The following SRFBP1 variants were observed in gnomAD, a reference collection of about 807,000 sequenced individuals.
SRFBP1 encodes serum response factor binding protein 1.
SRFBP1 carries 47 observed loss-of-function variants against 45.5 expected under a neutral mutation model. That is an observed-to-expected ratio of 1.03 (90% CI 0.82 to 1.32). The LOEUF is 1.32. Among genes scored for constraint, SRFBP1 ranks in the 40% most tolerant of loss-of-function variants. SRFBP1 has a pLI of 0.00. For synonymous variants in SRFBP1, 203 were observed against 166.3 expected (o/e 1.22, Z -1.70); for missense variants, 621 against 484.6 (o/e 1.28, Z -2.64).
chr5:121,976,127 A>G lies in SRFBP1; in HGVS notation c.198+740A>G, dbSNP rs898807717. Among the ~76,000 whole-genome samples the G allele has an allele frequency of 3.3e-5, 5 of 151,110 alleles. No individual in the cohort carries two copies. In the East Asian group the frequency reaches 9.7e-4, roughly 29 times the overall value. ...TTGAATTAAGTAAAAGAGAAATAAA[A>G]CTCTCTAACTATTTTAATTGAGTTA... On this transcript the variant is annotated intron_variant, in intron 3 of 7. Coordinates refer to ENST00000339397, the MANE Select transcript of SRFBP1 (RefSeq NM_152546.3).
At position 122,020,078 on chromosome 5, in the gene SRFBP1, T is replaced by C. The variant is rs1482774576; in HGVS notation, c.353-10T>C. On this transcript the variant is annotated splice_polypyrimidine_tract_variant and intron_variant, in intron 5 of 7. Coordinates refer to ENST00000339397, the MANE Select transcript of SRFBP1 (RefSeq NM_152546.3). ...GTGCTAAAATGAGTGATGCACTGTT[T>C]CTCTTGCAGCTGCTGTACAAGCCTT... 1 of 1,523,696 alleles carries C rather than the reference T, an allele frequency of 6.6e-7. No individual in the cohort carries two copies. The highest frequency in any genetic ancestry group is 2.2e-5 in the Admixed American group (1 of 45,220). The allele number at this position is 1,523,696 out of a possible 1,614,324, so 94.4% of individuals were successfully genotyped here.
chr5:122,072,090 A>G (rs545235347), intron 2 of SRFBP1, among the ~76,000 whole-genome samples: 35 of 152,312 alleles, frequency 2.3e-4, no homozygotes, highest in African/African-American at 7.5e-4. Context: ...AGTGCTAGTT[A>G]TTACTTCTAC....
intron 2 of SRFBP1, among the ~76,000 whole-genome samples, chr5:122,041,869 C>A (rs908872598): frequency 6.6e-6 from 1 of 152,246 alleles, no homozygotes; most frequent in South Asian, 2.1e-4. Flanking sequence ...TATTAGACCA[C>A]CTTGTTTATT....
At chr5:122,071,115 G>A (rs1754438499) in intron 2 of SRFBP1, among the ~76,000 whole-genome samples, 1 of 152,030 alleles carries the variant, frequency 6.6e-6, no homozygotes. Flanking sequence ...AGTTCCCTAA[G>A]GGTAGAGTTT....
Position 121,996,102 on chromosome 5 carries a change from C to G in SRFBP1, c.270+1432C>G, listed in dbSNP as rs1198223339. Among the ~76,000 whole-genome samples the G allele has an allele frequency of 7.4e-5, 11 of 149,160 alleles. No individual in the cohort carries two copies. In the East Asian group the frequency reaches 2.0e-3, roughly 27 times the overall value. The stretch of plus-strand genomic sequence containing the variant: ...CAGAGGTACAAGGAGGAACTGGTAC[C>G]ATTCCTTCTGAAACTATTCCAATCA... On this transcript the variant is annotated intron_variant, in intron 4 of 7. Coordinates refer to ENST00000339397, the MANE Select transcript of SRFBP1 (RefSeq NM_152546.3).
intron 3 of SRFBP1, among the ~76,000 whole-genome samples, chr5:121,993,693 T>C (rs924467774): frequency 6.6e-6 from 1 of 152,112 alleles, no homozygotes; most frequent in Non-Finnish European, 1.5e-5. Flanking sequence ...TATTTACCAA[T>C]AGTTGTTTTA....
Position 122,020,201 on chromosome 5 carries a change from A to C in SRFBP1, c.466A>C (p.Ser156Arg), listed in dbSNP as rs539137475. ...TACTTTGTATTCAAATGATAATGGA[A>C]GTAATTTACAGCGTGAAGCAACTGT... ...ENTLYSNDNG[S>R]NLQREATVIS... The change falls in exon 6 of 8, where the codon AGT becomes CGT. Residue 156 changes from serine (S) to arginine (R), a missense_variant. Transcript: ENST00000339397. 1.1e-5 allele frequency: 17 copies of C among 1,612,724 alleles called. No homozygotes were observed. In the South Asian group the frequency reaches 1.4e-4, roughly 14 times the overall value.
chr5:122,070,149 T>C, intron 2 of SRFBP1: 1 of 1,611,318 alleles, frequency 6.2e-7, no homozygotes, highest in Non-Finnish European at 8.5e-7. Flanking sequence ...AGGAACCAGG[T>C]AGCTGGGGTT....
chr5:122,001,455 C>T (rs1752866482), intron 4 of SRFBP1, among the ~76,000 whole-genome samples: 3 of 146,596 alleles, frequency 2.0e-5, no homozygotes, highest in South Asian at 2.2e-4. Flanking sequence ...ACAAATTTTA[C>T]TCCACACTAA....
chr5:122,004,492 T>C (rs1411034413), intron 4 of SRFBP1, among the ~76,000 whole-genome samples: 2 of 152,310 alleles, frequency 1.3e-5, no homozygotes, highest in Admixed American at 1.3e-4. Flanking sequence ...GTATGATTAG[T>C]GTTTCTATGG....
intron 2 of SRFBP1, among the ~76,000 whole-genome samples, chr5:122,071,584 A>G (rs528108419): frequency 1.3e-5 from 2 of 152,334 alleles, no homozygotes; most frequent in African/African-American, 4.8e-5. Context: ...TAAGAATGTT[A>G]TAGTCTAGAG....
At chr5:122,056,551 A>G (rs1195590194) in intron 2 of SRFBP1, among the ~76,000 whole-genome samples, 1 of 152,110 alleles carries the variant, frequency 6.6e-6, no homozygotes, top group East Asian at 1.9e-4. Flanking sequence ...GCACTATTCA[A>G]TTTTTCTAGT....
chr5:122,060,172 G>T (rs1754148322), intron 2 of SRFBP1, among the ~76,000 whole-genome samples: 1 of 152,076 alleles, frequency 6.6e-6, no homozygotes, highest in Non-Finnish European at 1.5e-5. Flanking sequence ...GGTGGCATTA[G>T]TTCTTTCTGG....
At chr5:121,997,903 A>T (rs1752765401) in intron 4 of SRFBP1, among the ~76,000 whole-genome samples, 1 of 149,548 alleles carries the variant, frequency 6.7e-6, no homozygotes, top group South Asian at 2.1e-4. Flanking sequence ...CAGCCAAAAA[A>T]CACATGAAAA....
chr5:121,985,492 T>C (rs1752493884), intron 3 of SRFBP1, among the ~76,000 whole-genome samples: 1 of 151,878 alleles, frequency 6.6e-6, no homozygotes, highest in Non-Finnish European at 1.5e-5. Flanking sequence ...TTAACTGGTG[T>C]GTTTTTTTAA....
At chr5:122,005,605 C>T (rs1752957781) in intron 4 of SRFBP1, among the ~76,000 whole-genome samples, 1 of 151,956 alleles carries the variant, frequency 6.6e-6, no homozygotes, top group African/African-American at 2.4e-5. Flanking sequence ...TAAATTCATT[C>T]AGCCACTATG....
intron 6 of SRFBP1, 104 bp downstream of exon 6, chr5:122,020,906 A>C: frequency 9.1e-7 from 1 of 1,103,802 alleles, no homozygotes; most frequent in Non-Finnish European, 1.2e-6. Flanking sequence ...AGTTTGTACA[A>C]CCCATCCTGT....
intron 7 of SRFBP1, among the ~76,000 whole-genome samples, chr5:122,025,404 T>C (rs1483911272): frequency 2.6e-5 from 4 of 152,320 alleles, no homozygotes; most frequent in Middle Eastern, 6.8e-3. Context: ...CTATTGTGAA[T>C]AGTGCCGCAA....
intron 2 of SRFBP1, among the ~76,000 whole-genome samples, chr5:122,057,766 A>T (rs1348828920): frequency 6.6e-6 from 1 of 152,162 alleles, no homozygotes; most frequent in Non-Finnish European, 1.5e-5. Context: ...CAACATTGAC[A>T]TCAGAGGACT....
Sources: gnomAD v4.1 joint callset for allele counts (sites outside exome capture counted in the v4.1 genomes callset) on GRCh38, gnomAD v4.1.1 for gene constraint, MANE v1.5 for transcripts, NCBI Gene and HGNC (gene_info 2026-07-23, HGNC 2026-07-21) for gene names.